Variants in CLDN1 observed in about 807,000 individuals in gnomAD.
CLDN1 encodes the protein claudin-1.
In CLDN1, 12 loss-of-function variants were observed where a neutral mutation model predicts 22.6. The ratio of observed to expected loss-of-function variants is 0.53; its 90% CI spans 0.34 to 0.86. The LOEUF (loss-of-function observed/expected upper bound fraction) is 0.86, where lower values mean the gene tolerates loss of function less well. Among genes scored for constraint, CLDN1 ranks in the 40% least tolerant of loss-of-function variants. The probability of loss-of-function intolerance (pLI) is 0.02; values close to 1 mark genes in which losing one functional copy is unlikely to be tolerated. For missense variants in CLDN1, 250 were observed against 269.5 expected (o/e 0.93, Z 0.51); for synonymous variants, 99 against 103.8 (o/e 0.95, Z 0.28).
intron 1 of CLDN1, among the ~76,000 whole-genome samples, chr3:190,320,258 A>G (rs1716883137): frequency 6.6e-6 from 1 of 152,246 alleles, no homozygotes; most frequent in Non-Finnish European, 1.5e-5. Context: ...AAACCTATTT[A>G]AAGATGTTGA....
At chr3:190,313,841 C>T (rs1716692152) in intron 1 of CLDN1, among the ~76,000 whole-genome samples, 1 of 152,110 alleles carries the variant, frequency 6.6e-6, no homozygotes, top group Non-Finnish European at 1.5e-5. Flanking sequence ...ATCAAATAAA[C>T]AGGGTCAAGT....
At chr3:190,308,954 T>A (rs1204645391) in intron 3 of CLDN1, among the ~76,000 whole-genome samples, 1 of 152,178 alleles carries the variant, frequency 6.6e-6, no homozygotes, top group Non-Finnish European at 1.5e-5. Flanking sequence ...CATGAACCAT[T>A]CTGGATTAAG....
chr3:190,312,161 C>T (rs879818878), intron 2 of CLDN1, among the ~76,000 whole-genome samples: 2 of 151,672 alleles, frequency 1.3e-5, no homozygotes, highest in Non-Finnish European at 1.5e-5. Flanking sequence ...GAACTCACGA[C>T]CTCAGGTGAT....
At chr3:190,320,073 T>TG (rs3836453) in intron 1 of CLDN1, among the ~76,000 whole-genome samples, 19,530 of 151,902 alleles carry the variant, frequency 0.13, 1,377 homozygotes, top group Middle Eastern at 0.21. Context: ...AAAGTGTGTG[T>TG]GGGGGGGTAG....
At chr3:190,321,210 C>CT (rs1182031389) in intron 1 of CLDN1, among the ~76,000 whole-genome samples, 5 of 152,154 alleles carry the variant, frequency 3.3e-5, no homozygotes, top group Admixed American at 6.5e-5. Context: ...AGTGCCTTTA[C>CT]TTTTTTCTTT....
At chr3:190,313,868 A>G (rs918655973) in intron 1 of CLDN1, among the ~76,000 whole-genome samples, 3 of 152,178 alleles carry the variant, frequency 2.0e-5, no homozygotes, top group Admixed American at 6.5e-5. Context: ...CATTATCACT[A>G]TGTTTCTTAA....
chr3:190,312,759 G>T, intron 2 of CLDN1, 113 bp downstream of exon 2: 1 of 1,174,350 alleles, frequency 8.5e-7, no homozygotes, highest in Non-Finnish European at 1.3e-6. Context: ...TCAGGTCTAT[G>T]TTTGCAGTTT....
At chr3:190,312,156 C>G (rs888696811) in intron 2 of CLDN1, among the ~76,000 whole-genome samples, 4 of 151,974 alleles carry the variant, frequency 2.6e-5, no homozygotes, top group Non-Finnish European at 4.4e-5. Flanking sequence ...GTCTTGAACT[C>G]ACGACCTCAG....
At chr3:190,317,112 T>C (rs1716790274) in intron 1 of CLDN1, among the ~76,000 whole-genome samples, 1 of 152,218 alleles carries the variant, frequency 6.6e-6, no homozygotes. Context: ...ATGAGATAGA[T>C]GTTGTATAGC....
At chr3:190,320,381 C>G (rs556015285) in intron 1 of CLDN1, among the ~76,000 whole-genome samples, 6 of 152,084 alleles carry the variant, frequency 3.9e-5, no homozygotes, top group Non-Finnish European at 7.4e-5. Flanking sequence ...TGCCTGACAC[C>G]GTTTCCTTAA....
chr3:190,318,846 A>G (rs2108613811), intron 1 of CLDN1, among the ~76,000 whole-genome samples: 1 of 152,300 alleles, frequency 6.6e-6, no homozygotes, highest in South Asian at 2.1e-4. Context: ...TGAGCCTGAC[A>G]TCATGGTGAG....
At chr3:190,319,404 G>C (rs997775858) in intron 1 of CLDN1, among the ~76,000 whole-genome samples, 1 of 152,154 alleles carries the variant, frequency 6.6e-6, no homozygotes, top group Admixed American at 6.5e-5. Context: ...CCCAGGAAGT[G>C]CCTCAGTTAC....
intron 1 of CLDN1, among the ~76,000 whole-genome samples, chr3:190,319,763 T>C (rs994334340): frequency 2.6e-5 from 4 of 152,150 alleles, no homozygotes; most frequent in African/African-American, 9.7e-5. Flanking sequence ...CCTTTTCATC[T>C]CTACATGTAA....
At chr3:190,313,770 T>G (rs1560074923) in intron 1 of CLDN1, among the ~76,000 whole-genome samples, 1 of 152,200 alleles carries the variant, frequency 6.6e-6, no homozygotes. Flanking sequence ...TTCAATGTAG[T>G]GTTTCTCAGG....
Position 190,322,434 on chromosome 3 carries a change from C to T in CLDN1, c.-228G>A, listed in dbSNP as rs1716955317. 1.7e-6 allele frequency: 1 copy of T among 583,598 alleles called. No individual in the cohort carries two copies. Among genetic ancestry groups the T allele is most frequent in the Non-Finnish European group, 3.1e-6 (1 of 325,988 alleles). The allele number at this position is 583,598 out of a possible 1,614,324, so 36.2% of individuals were successfully genotyped here. ...TAGAAGCTGCGGTTGCTCCCAGGCT[C>T]GGGAACTGAGACGCAGAACCGCTGG... On this transcript the variant is annotated 5_prime_UTR_variant, in exon 1 of 4. Transcript: ENST00000295522.
At chr3:190,311,890 A>C (rs1716630079) in intron 2 of CLDN1, among the ~76,000 whole-genome samples, 1 of 151,984 alleles carries the variant, frequency 6.6e-6, no homozygotes, top group Non-Finnish European at 1.5e-5. Flanking sequence ...GATTTTCTCA[A>C]ATGACACATA....
At chr3:190,308,552 C>T in intron 3 of CLDN1, 113 bp from the exon 4 acceptor site, 3 of 968,594 alleles carry the variant, frequency 3.1e-6, no homozygotes, top group Non-Finnish European at 4.8e-6. Flanking sequence ...GAAAATAACC[C>T]CTGAATATCC....
In CLDN1 at chr3:190,322,213, C is replaced by T. The variant is rs1716946354; in HGVS notation, c.-7G>A. 1 of 1,613,000 alleles carries T rather than the reference C, an allele frequency of 6.2e-7. No individual in the cohort carries two copies. The highest frequency in any genetic ancestry group is 8.5e-7 in the Non-Finnish European group (1 of 1,179,826). On this transcript the variant is annotated 5_prime_UTR_variant, in exon 1 of 4. Coordinates refer to ENST00000295522, the MANE Select transcript of CLDN1 (RefSeq NM_021101.5). The stretch of plus-strand genomic sequence containing the variant: ...GCAGCCCCGCGTTGGCCATGACTCG[C>T]TCGGGCGCCCGCGCTGGCTCAGGGG...
At chr3:190,317,053 A>C (rs6768420) in intron 1 of CLDN1, among the ~76,000 whole-genome samples, 17,404 of 152,238 alleles carry the variant, frequency 0.11, 1,176 homozygotes, top group East Asian at 0.22. Context: ...TGAGTGGCAG[A>C]GCAGAGAAGT....
Sources: gnomAD v4.1 joint callset for allele counts (sites outside exome capture counted in the v4.1 genomes callset) on GRCh38, gnomAD v4.1.1 for gene constraint, MANE v1.5 for transcripts, NCBI Gene and HGNC (gene_info 2026-07-23, HGNC 2026-07-21) for gene names.